CUX2: variants seen among roughly 807,000 people sequenced by gnomAD.
CUX2 encodes cut like homeobox 2, also known as homeobox protein cut-like 2.
CUX2 carries 40 observed loss-of-function variants against 144.8 expected under a neutral mutation model. That is an observed-to-expected ratio of 0.28 (90% CI 0.21 to 0.36). The LOEUF is 0.36. Ranked by LOEUF, CUX2 falls within the 10% of genes least tolerant of loss-of-function variation. CUX2 has a pLI of 1.00. For synonymous variants in CUX2, 827 were observed against 875.6 expected (o/e 0.94, Z 0.98); for missense variants, 1,615 against 1,994.0 (o/e 0.81, Z 3.62).
rs775489827 is a variant in CUX2 at position 111,289,871 on chromosome 12, G to A, written c.302-1547G>A. 6.6e-6 allele frequency among the ~76,000 whole-genome samples: 1 copy of A among 152,038 alleles called. No homozygotes were observed. On this transcript the variant is annotated intron_variant, in intron 4 of 21. Coordinates refer to ENST00000261726, the MANE Select transcript of CUX2 (RefSeq NM_015267.4). The surrounding 1 kb of genome is among the most constrained non-coding windows in gnomAD (Gnocchi z 4.1). ...GGGAGCAGGAAGGCTGGGAGAGCTCGCGGAGAGGTGGGGCAGCTGCCTGGG... is the reference window on the plus strand; with the variant it reads ...GGGAGCAGGAAGGCTGGGAGAGCTCACGGAGAGGTGGGGCAGCTGCCTGGG...
chr12:111,058,831 G>A (rs1870646097), intron 1 of CUX2, among the ~76,000 whole-genome samples: 1 of 152,136 alleles, frequency 6.6e-6, no homozygotes, highest in African/African-American at 2.4e-5. Context: ...AGACAGAGTA[G>A]GACATTCCTG....
chr12:111,339,363 C>T (rs906785774), intron 20 of CUX2, among the ~76,000 whole-genome samples: 3 of 152,214 alleles, frequency 2.0e-5, no homozygotes. Context: ...ACCTCCCTCC[C>T]TCCTCTGCCT....
chr12:111,112,350 G>A (rs1179304181), intron 1 of CUX2, among the ~76,000 whole-genome samples: 2 of 152,190 alleles, frequency 1.3e-5, no homozygotes, highest in African/African-American at 4.8e-5. Flanking sequence ...TTGACTGGTG[G>A]AAGCATCTGG....
intron 1 of CUX2, among the ~76,000 whole-genome samples, chr12:111,208,451 T>C (rs921426657): frequency 6.6e-6 from 1 of 152,216 alleles, no homozygotes; most frequent in Non-Finnish European, 1.5e-5. Flanking sequence ...TCCCTCCTGG[T>C]TGGGGAAACC....
At chr12:111,209,385 C>A (rs1881087511) in intron 1 of CUX2, among the ~76,000 whole-genome samples, 2 of 151,966 alleles carry the variant, frequency 1.3e-5, no homozygotes, top group Admixed American at 6.6e-5. Context: ...CAGAGCAAGA[C>A]CCTATCTAAA....
intron 1 of CUX2, among the ~76,000 whole-genome samples, chr12:111,094,454 T>C (rs1334084676): frequency 6.6e-6 from 1 of 152,256 alleles, no homozygotes. Context: ...GAGACCTGTG[T>C]CTTCCCCCTG....
intron 3 of CUX2, among the ~76,000 whole-genome samples, chr12:111,226,713 G>T (rs1255076029): frequency 6.6e-6 from 1 of 152,088 alleles, no homozygotes; most frequent in Non-Finnish European, 1.5e-5. Flanking sequence ...GACACGAATT[G>T]CTTTTTGGCC....
chr12:111,210,869 C>T (rs888792660), intron 1 of CUX2, among the ~76,000 whole-genome samples: 3 of 152,004 alleles, frequency 2.0e-5, no homozygotes, highest in African/African-American at 7.3e-5. Flanking sequence ...AACAAATGCC[C>T]TGAACACCCC....
intron 1 of CUX2, among the ~76,000 whole-genome samples, chr12:111,081,547 T>C (rs1167019629): frequency 6.6e-6 from 1 of 152,110 alleles, no homozygotes; most frequent in Non-Finnish European, 1.5e-5. Context: ...AGAAACCGAC[T>C]CAGCCCCCAC....
At chr12:111,270,457 A>T (rs1884584180) in intron 4 of CUX2, 1 of 151,626 alleles carries the variant, frequency 6.6e-6, no homozygotes, top group Non-Finnish European at 1.5e-5. Context: ...GCGTGAAGTG[A>T]GAAAAAAAAA....
At position 111,217,902 on chromosome 12, in the gene CUX2, A is replaced by G. The variant is rs1408229973; in HGVS notation, c.187A>G (p.Met63Val). The G allele has an allele frequency of 6.2e-7, 1 of 1,613,952 alleles. No individual in the cohort carries two copies. The highest frequency in any genetic ancestry group is 8.5e-7 in the Non-Finnish European group (1 of 1,180,024). ...ATCTCTTTTTCAGGAAATCAGAGAG[A>G]TGGTGGCTCCTGTATTAAAAAGCTT... ...KKNVPEEIRE[M>V]VAPVLKSFQA... The change falls in exon 3 of 22, where the codon ATG becomes GTG. Residue 63 changes from methionine (M) to valine (V), a missense_variant. Met to Val is a conservative substitution (Grantham distance 21). This residue lies in a region of CUX2 where 295 missense variants were observed against 400.2 expected (regional missense o/e 0.74). Coordinates refer to ENST00000261726, the MANE Select transcript of CUX2 (RefSeq NM_015267.4).
At chr12:111,195,984 A>G (rs1880215676) in intron 1 of CUX2, among the ~76,000 whole-genome samples, 1 of 152,206 alleles carries the variant, frequency 6.6e-6, no homozygotes, top group Admixed American at 6.5e-5. Context: ...GTCACCCCAA[A>G]AAAGATCTTT....
In CUX2 at chr12:111,279,843, G is replaced by A. The variant is rs926708028; in HGVS notation, c.302-11575G>A. Among the ~76,000 whole-genome samples, 5 of 152,248 alleles carry A rather than the reference G, an allele frequency of 3.3e-5. No homozygotes were observed. The East Asian group carries it at 7.7e-4, about 23-fold the overall frequency. On this transcript the variant is annotated intron_variant, in intron 4 of 21. Transcript: ENST00000261726. Reference sequence around the variant, plus strand: ...TTAAAGATACAAAAATTAGCTGGGTGTGGTGGCACATGCCTTTAGTCCCAG... The same window carrying A: ...TTAAAGATACAAAAATTAGCTGGGTATGGTGGCACATGCCTTTAGTCCCAG...
intron 3 of CUX2, among the ~76,000 whole-genome samples, chr12:111,262,526 G>A (rs1884178616): frequency 6.6e-6 from 1 of 151,790 alleles, no homozygotes; most frequent in Non-Finnish European, 1.5e-5. Flanking sequence ...CAACAGGCAC[G>A]AGCCACCCTG....
chr12:111,052,581 C>A (rs540651345), intron 1 of CUX2, among the ~76,000 whole-genome samples: 78 of 152,036 alleles, frequency 5.1e-4, no homozygotes, highest in Admixed American at 1.2e-3. Flanking sequence ...GTGTCTGTGT[C>A]CTTGTATGTG....
At chr12:111,127,865 A>G (rs1471366908) in intron 1 of CUX2, among the ~76,000 whole-genome samples, 1 of 152,194 alleles carries the variant, frequency 6.6e-6, no homozygotes, top group Non-Finnish European at 1.5e-5. Flanking sequence ...GTGCAGGGCA[A>G]TTCCCACTTA....
intron 1 of CUX2, among the ~76,000 whole-genome samples, chr12:111,074,847 C>T (rs1313512514): frequency 1.3e-5 from 2 of 152,040 alleles, no homozygotes; most frequent in East Asian, 3.8e-4. Context: ...GGTCTGGCCA[C>T]CACTGTTGGG....
At chr12:111,181,846 C>T (rs984353141) in intron 1 of CUX2, among the ~76,000 whole-genome samples, 2 of 152,208 alleles carry the variant, frequency 1.3e-5, no homozygotes. Flanking sequence ...ATTAAACTAT[C>T]TGCATCCTCA....
intron 3 of CUX2, among the ~76,000 whole-genome samples, chr12:111,249,169 C>T (rs1270028825): frequency 1.3e-5 from 2 of 152,188 alleles, no homozygotes; most frequent in South Asian, 2.1e-4. Flanking sequence ...GCCCAGTGAT[C>T]ATGCATCATC....
Sources: gnomAD v4.1 joint callset for allele counts (sites outside exome capture counted in the v4.1 genomes callset) on GRCh38, gnomAD v4.1.1 for gene constraint, gnomAD v4.1.1 regional missense constraint, Gnocchi (gnomAD v3.1) non-coding constraint, MANE v1.5 for transcripts, NCBI Gene and HGNC (gene_info 2026-07-23, HGNC 2026-07-21) for gene names.